FCHSD1: variants seen among roughly 807,000 people sequenced by gnomAD.
The protein encoded by FCHSD1 is FCH and double SH3 domains 1, also known as F-BAR and double SH3 domains protein 1.
In FCHSD1, 109 loss-of-function variants were observed where a neutral mutation model predicts 101.3. The observed-to-expected ratio is 1.08, with a 90% confidence interval of 0.92 to 1.26. The LOEUF (loss-of-function observed/expected upper bound fraction) is 1.26, where lower values mean the gene tolerates loss of function less well. FCHSD1 is among the 50% of genes most tolerant of loss of function. FCHSD1 has a pLI of 0.00. For synonymous variants in FCHSD1, 291 were observed against 356.8 expected (o/e 0.82, Z 2.08); for missense variants, 820 against 895.8 (o/e 0.92, Z 1.08).
intron 15 of FCHSD1, 35 bp from the exon 16 acceptor site, chr5:141,644,725 T>A (rs369747048): frequency 1.2e-6 from 2 of 1,612,204 alleles, no homozygotes; most frequent in Non-Finnish European, 1.7e-6. Context: ...ATATTAGACT[T>A]ACCTCAGCAG....
intron 18 of FCHSD1, chr5:141,642,644 T>G (rs2099907080): frequency 1.8e-6 from 1 of 540,644 alleles, no homozygotes; most frequent in Non-Finnish European, 3.2e-6. Context: ...GTGAGAGAAG[T>G]TAGCTAATTT....
At position 141,641,751 on chromosome 5, in the gene FCHSD1, G is replaced by A. The variant is rs1353780960; in HGVS notation, c.1958C>T (p.Ala653Val). Reference protein sequence around the residue: ...PPAPVLPGDKALDFPGFLDMM... With the variant: ...PPAPVLPGDKVLDFPGFLDMM... ...GTCCAGGAACCCAGGGAAGTCCAGG[G>A]CTTTGTCTGGAAATAAGAACCACAA... is the stretch of plus-strand genomic sequence containing the variant. Residue 653 changes from alanine to valine, a missense_variant, in exon 19 of 20, where the codon GCC (alanine) becomes GTC (valine). Ala to Val is a moderately conservative substitution (Grantham distance 64). Coordinates refer to ENST00000435817, the MANE Select transcript of FCHSD1 (RefSeq NM_033449.3). 1 of 1,614,030 alleles carries A rather than the reference G, an allele frequency of 6.2e-7. No homozygotes were observed.
chr5:141,640,595 G>T lies in FCHSD1; in HGVS notation c.*903C>A. On this transcript the variant is annotated 3_prime_UTR_variant, in exon 20 of 20. Transcript: ENST00000435817. ...TTGGTTTGGTGGTGGAGGTAGGGAA[G>T]GTCCTGGAGCCCCAGGGGAAAAGCT... 1 of 1,544,744 alleles carries T rather than the reference G, an allele frequency of 6.5e-7. No homozygotes were observed. The highest frequency in any genetic ancestry group is 8.7e-7 in the Non-Finnish European group (1 of 1,144,964).
rs764798163 is a variant in FCHSD1 at position 141,651,084 on chromosome 5, G to C, written c.55C>G (p.Leu19Val). The change falls in exon 2 of 20, where the codon CTG becomes GTG. Residue 19 changes from leucine to valine, a missense_variant. Coordinates refer to ENST00000435817, the MANE Select transcript of FCHSD1 (RefSeq NM_033449.3). ...GTCTGAAGGATGCTCAGCTGTTCCA[G>C]GAAGCGAAGCTTCACCTCCTGGGCC... ...KPAQEVKLRF[L>V]EQLSILQTWQ... 6.3e-7 allele frequency: 1 copy of C among 1,597,202 alleles called. No homozygotes were observed. Among genetic ancestry groups the C allele is most frequent in the East Asian group, 2.3e-5 (1 of 44,234 alleles).
In FCHSD1 at chr5:141,649,490, C is replaced by T. The variant is rs369273824; in HGVS notation, c.280G>A (p.Val94Met). ...TGGAGTCGGGTTTGGCCCCCAGCCA[C>T]GGTGGCATCCAGCAGGCAGCGCCAG... ...GAWRCLLDAT[V>M]AGGQTRLQAS... Residue 94 changes from valine (V) to methionine (M), a missense_variant, in exon 5 of 20, where the codon GTG (valine) becomes ATG (methionine). Transcript: ENST00000435817. This position sits in a 1 kb window ranked among gnomAD's most constrained non-coding sequence, Gnocchi z 4.1. The T allele has an allele frequency of 2.2e-5, 36 of 1,613,754 alleles. 2 individuals carry two copies. Among genetic ancestry groups the T allele is most frequent in the African/African-American group, 1.6e-4 (12 of 75,066 alleles).
In FCHSD1 at chr5:141,643,008, C is replaced by A; in HGVS notation, c.1944G>T (p.Leu648=). 6.4e-7 allele frequency: 1 copy of A among 1,564,804 alleles called. No individual in the cohort carries two copies. The highest frequency in any genetic ancestry group is 1.9e-5 in the Admixed American group (1 of 52,928). The change falls in exon 18 of 20, where the codon CTG becomes CTT. Residue 648 remains leucine, a synonymous_variant. Transcript: ENST00000435817. The stretch of plus-strand genomic sequence containing the variant: ...CCAGTTCCTTCCACTCACCCCCAGG[C>A]AGGACAGGTGCAGGGGGCCCATCCA... ...SVLDGPPAPV[L]PGDKALDFPG... is the part of the protein sequence containing the mutation.
Position 141,640,560 on chromosome 5 carries a change from T to C in FCHSD1, c.*938A>G. 1 of 1,569,426 alleles carries C rather than the reference T, an allele frequency of 6.4e-7. No individual in the cohort carries two copies. The highest frequency in any genetic ancestry group is 8.7e-7 in the Non-Finnish European group (1 of 1,155,576). ...AGTAAACTGCAGGCTTAGCCTTTGC[T>C]ATAAATCCCTTGGTTTGGTGGTGGA... On this transcript the variant is annotated 3_prime_UTR_variant, in exon 20 of 20. Transcript: ENST00000435817.
rs774725894 is a variant in FCHSD1 at position 141,651,065 on chromosome 5, A to G, written c.74T>C (p.Leu25Pro). 1 of 1,599,170 alleles carries G rather than the reference A, an allele frequency of 6.3e-7. No individual in the cohort carries two copies. The highest frequency in any genetic ancestry group is 8.5e-7 in the Non-Finnish European group (1 of 1,172,668). ...KLRFLEQLSI[L>P]QTWQQREADL... is the part of the protein sequence containing the mutation. ...CGCCTCCCTCTGCTGCCAGGTCTGA[A>G]GGATGCTCAGCTGTTCCAGGAAGCG... The change falls in exon 2 of 20, where the codon CTT becomes CCT. Residue 25 changes from leucine (L) to proline (P), a missense_variant. By Grantham distance (98) the Leu-to-Pro change is moderately conservative (BLOSUM62 -3). Coordinates refer to ENST00000435817, the MANE Select transcript of FCHSD1 (RefSeq NM_033449.3).
chr5:141,651,024 T>G lies in FCHSD1; in HGVS notation c.115A>C (p.Ile39Leu). Reference protein sequence around the residue: ...QQREADLLEDIRSYSKQRAAI... With the variant: ...QQREADLLEDLRSYSKQRAAI... ...GAAGGGGGTTGGGGGAGCTACCTGA[T>G]GTCCTCCAGCAGATCCGCCTCCCTC... is the stretch of plus-strand genomic sequence containing the variant. Residue 39 changes from isoleucine (I) to leucine (L), a missense_variant, in exon 2 of 20, where the codon ATC becomes CTC. Physicochemically the swap from Ile to Leu is conservative, Grantham distance 5. Coordinates refer to ENST00000435817, the MANE Select transcript of FCHSD1 (RefSeq NM_033449.3). 1 of 1,586,348 alleles carries G rather than the reference T, an allele frequency of 6.3e-7. No individual in the cohort carries two copies. Among genetic ancestry groups the G allele is most frequent in the Non-Finnish European group, 8.6e-7 (1 of 1,165,492 alleles).
rs2099907750 is a variant in FCHSD1, at chr5:141,646,998, G to A, written c.924+137C>T. On this transcript the variant is annotated intron_variant, in intron 10 of 19. Coordinates refer to ENST00000435817, the MANE Select transcript of FCHSD1 (RefSeq NM_033449.3). ...TTTTTGTGTGTGTCCTGTTGGGAGG[G>A]AGGTGAGCTGGAGTTCTGAAACCCC... The A allele has an allele frequency of 4.4e-6, 4 of 917,336 alleles. No homozygotes were observed. In the African/African-American group the frequency reaches 6.7e-5, roughly 15 times the overall value. 56.8% of individuals were successfully genotyped at this position (917,336 alleles called of 1,614,324 possible). A position where few individuals can be genotyped will look rare whatever the true frequency, so the allele number is the denominator to read the frequency against.
chr5:141,639,406 AC>A lies in FCHSD1; in HGVS notation c.*2091del, dbSNP rs2099906575. ...GGAGCATGCTGAAAGAACGTAAGAAACAAAACATGAAGGGAAATGGAAATGT... is the reference window on the plus strand; with the variant it reads ...GGAGCATGCTGAAAGAACGTAAGAAAAAAACATGAAGGGAAATGGAAATGT... On this transcript the variant is annotated 3_prime_UTR_variant, in exon 20 of 20. Transcript: ENST00000435817. The surrounding 1 kb of genome is among the most constrained non-coding windows in gnomAD (Gnocchi z 4.4). 6.9e-7 allele frequency: 1 copy of A among 1,445,264 alleles called. No individual in the cohort carries two copies. The highest frequency in any genetic ancestry group is 9.5e-7 in the Non-Finnish European group (1 of 1,057,198). 89.5% of individuals were successfully genotyped at this position (1,445,264 alleles called of 1,614,324 possible). A position where few individuals can be genotyped will look rare whatever the true frequency, so the allele number is the denominator to read the frequency against.
rs200865612 is a variant in FCHSD1 at position 141,649,546 on chromosome 5, G to C, written c.234-10C>G. The C allele has an allele frequency of 2.0e-4, 316 of 1,609,318 alleles. No individual in the cohort carries two copies. The highest frequency in any genetic ancestry group is 5.5e-4 in the Admixed American group (33 of 59,788). On this transcript the variant is annotated splice_polypyrimidine_tract_variant and intron_variant, in intron 4 of 19. Coordinates refer to ENST00000435817, the MANE Select transcript of FCHSD1 (RefSeq NM_033449.3). The surrounding 1 kb of genome is among the most constrained non-coding windows in gnomAD (Gnocchi z 4.1). ...GAACACTGTCCTGCCCCTCCCCAGA[G>C]AAGGTCTGTGTTGAGGAGGAGAGCA...
chr5:141,648,077 TG>T lies in FCHSD1; in HGVS notation c.595del (p.Gln199SerfsTer47), dbSNP rs1291889650. ...GGCTGCTTGCAGCTGCTGGGAGTAC[TG>T]GGCTGACTGGGCGGACAGCTAGGAG... ...LSTKLSAQSA[Q>X]YSQQLQAARN... On this transcript the variant is annotated frameshift_variant, in exon 8 of 20. Coordinates refer to ENST00000435817, the MANE Select transcript of FCHSD1 (RefSeq NM_033449.3). LOFTEE classifies it high-confidence loss of function. 3.7e-6 allele frequency: 6 copies of T among 1,612,444 alleles called. No homozygotes were observed. In the African/African-American group the frequency reaches 5.3e-5, roughly 14 times the overall value.
Position 141,651,020 on chromosome 5 carries a change from C to T in FCHSD1, c.119G>A (p.Arg40Lys). ...QREADLLEDI[R>K]SYSKQRAAIE... ...AAATGAAGGGGGTTGGGGGAGCTAC[C>T]TGATGTCCTCCAGCAGATCCGCCTC... Residue 40 changes from arginine to lysine, a missense_variant and splice_region_variant, in exon 2 of 20, where the codon AGA becomes AAA. Coordinates refer to ENST00000435817, the MANE Select transcript of FCHSD1 (RefSeq NM_033449.3). 1 of 1,583,686 alleles carries T rather than the reference C, an allele frequency of 6.3e-7. No homozygotes were observed. Among genetic ancestry groups the T allele is most frequent in the Non-Finnish European group, 8.6e-7 (1 of 1,164,026 alleles).
At position 141,644,212 on chromosome 5, in the gene FCHSD1, C is replaced by A. The variant is rs751682681; in HGVS notation, c.1863+6G>T. The A allele has an allele frequency of 6.2e-7, 1 of 1,606,974 alleles. No homozygotes were observed. The highest frequency in any genetic ancestry group is 1.1e-5 in the South Asian group (1 of 89,980). ...CTGGGGAGTTCAGGGAGAAGGTAAG[C>A]CTCACCTGTTCAGGGTCAGAGAGTT... On this transcript the variant is annotated splice_donor_region_variant and intron_variant, in intron 17 of 19. Transcript: ENST00000435817.
chr5:141,639,960 G>C lies in FCHSD1; in HGVS notation c.*1538C>G, dbSNP rs202174311. On this transcript the variant is annotated 3_prime_UTR_variant, in exon 20 of 20. Transcript: ENST00000435817. The surrounding 1 kb of genome is among the most constrained non-coding windows in gnomAD (Gnocchi z 4.4). ...CATTGAGAAGCGCTATGGACTGCAC[G>C]AACACCGTGATGGCTCCCCCACAGA... 3 of 1,613,910 alleles carry C rather than the reference G, an allele frequency of 1.9e-6. No individual in the cohort carries two copies. Among genetic ancestry groups the C allele is most frequent in the Non-Finnish European group, 2.5e-6 (3 of 1,180,024 alleles).
rs1467383275 is a variant in FCHSD1, at chr5:141,644,353, C to G, written c.1728G>C (p.Leu576=). The G allele has an allele frequency of 6.2e-7, 1 of 1,613,976 alleles. No individual in the cohort carries two copies. The highest frequency in any genetic ancestry group is 8.5e-7 in the Non-Finnish European group (1 of 1,179,868). Residue 576 remains leucine (L), a synonymous_variant, in exon 17 of 20, where the codon CTG becomes CTC. Coordinates refer to ENST00000435817, the MANE Select transcript of FCHSD1 (RefSeq NM_033449.3). ...CATCTACTCCATCTTGGGCCCGGGGCAGCAGACGGATGAGTGCCCCCTCAG... is the reference window on the plus strand; with the variant it reads ...CATCTACTCCATCTTGGGCCCGGGGGAGCAGACGGATGAGTGCCCCCTCAG... ...SFPEGALIRL[L]PRAQDGVDDG... is the part of the protein sequence containing the mutation.
chr5:141,644,307 A>G lies in FCHSD1; in HGVS notation c.1774T>C (p.Phe592Leu), dbSNP rs768292828. 2 of 1,613,822 alleles carry G rather than the reference A, an allele frequency of 1.2e-6. No homozygotes were observed. Among genetic ancestry groups the G allele is most frequent in the South Asian group, 2.2e-5 (2 of 91,052 alleles). Residue 592 changes from phenylalanine (F) to leucine (L), a missense_variant, in exon 17 of 20, where the codon TTT becomes CTT. Coordinates refer to ENST00000435817, the MANE Select transcript of FCHSD1 (RefSeq NM_033449.3). ...GVDDGFWRGE[F>L]GGRVGVFPSL... Reference sequence around the variant, plus strand: ...GGGAAGACCCCAACACGGCCCCCAAATTCTCCCCTCCAGAAGCCGTCATCT... The same window carrying G: ...GGGAAGACCCCAACACGGCCCCCAAGTTCTCCCCTCCAGAAGCCGTCATCT...
In FCHSD1 at chr5:141,641,712, C is replaced by T. The variant is rs756057008; in HGVS notation, c.1997G>A (p.Arg666Gln). The change falls in exon 19 of 20, where the codon CGA (arginine) becomes CAA (glutamine). Residue 666 changes from arginine (R) to glutamine (Q), a missense_variant. Arg to Gln is a conservative substitution (Grantham distance 43). Transcript: ENST00000435817. The part of the protein sequence containing the change: ...FPGFLDMMAP[R>Q]LRPMRPPPPP... ...GGCAAGGGCCCTTACCGGCCTGAGT[C>T]GAGGTGCCATCATGTCCAGGAACCC... 1.4e-5 allele frequency: 22 copies of T among 1,614,006 alleles called. No individual in the cohort carries two copies. In the South Asian group the frequency reaches 1.6e-4, roughly 12 times the overall value.
Sources: allele counts gnomAD v4.1 joint callset, GRCh38; gene constraint gnomAD v4.1.1; non-coding constraint Gnocchi (gnomAD v3.1); transcripts MANE v1.5; gene names NCBI Gene and HGNC (gene_info 2026-07-23, HGNC 2026-07-21).